The following PSD3 variants were observed in gnomAD, a reference collection of about 807,000 sequenced individuals.
The protein encoded by PSD3 is PH and SEC7 domain-containing protein 3.
Under a neutral mutation model 105.5 loss-of-function variants are expected in PSD3, and 49 were observed. The ratio of observed to expected loss-of-function variants is 0.46; its 90% confidence interval spans 0.37 to 0.59. The LOEUF is 0.59. Among genes scored for constraint, PSD3 ranks in the 20% least tolerant of loss-of-function variants. The pLI, the probability that PSD3 is intolerant of heterozygous loss-of-function variation, is 0.00. For missense variants in PSD3, 1,561 were observed against 1,263.8 expected (o/e 1.24, Z -3.57); for synonymous variants, 557 against 457.8 (o/e 1.22, Z -2.77).
At position 18,872,609 on chromosome 8, in the gene PSD3, T is replaced by A. The variant is rs373346418; in HGVS notation, c.255A>T (p.Pro85=). The A allele has an allele frequency of 1.2e-4, 200 of 1,613,970 alleles. No individual in the cohort carries two copies. Among genetic ancestry groups the A allele is most frequent in the Non-Finnish European group, 1.7e-4 (197 of 1,180,014 alleles). The change falls in exon 3 of 16, where the codon CCA becomes CCT. Residue 85 remains proline, a synonymous_variant. Transcript: ENST00000327040. ...ASLEFDGEAL[P]CHPQEQQGVQ... is the part of the protein sequence containing the mutation. ...CACCCTGCTGCTCTTGTGGGTGGCA[T>A]GGCAGAGCCTCACCATCAAATTCCA...
At chr8:19,013,522 G>C in intron 1 of PSD3, 41 bp downstream of exon 1, 1 of 1,577,724 alleles carries the variant, frequency 6.3e-7, no homozygotes, top group Middle Eastern at 1.7e-4. Flanking sequence ...CAGCGGCGCC[G>C]CGTGCGCACC....
At chr8:18,730,017 A>G (rs1296002581) in intron 9 of PSD3, 3 of 152,244 alleles carry the variant, frequency 2.0e-5, no homozygotes, top group Non-Finnish European at 2.9e-5. Flanking sequence ...AAGCAAAAAA[A>G]GCTTCCTCAT....
intron 1 of PSD3, among the ~76,000 whole-genome samples, chr8:18,998,075 G>C (rs1339895124): frequency 7.2e-5 from 11 of 151,836 alleles, no homozygotes. Context: ...CCTCATAGGA[G>C]ACACTCAAAC....
At chr8:18,930,509 G>T (rs1463253480) in intron 2 of PSD3, among the ~76,000 whole-genome samples, 1 of 151,786 alleles carries the variant, frequency 6.6e-6, no homozygotes, top group Admixed American at 6.6e-5. Context: ...TAAGTATCAA[G>T]AAATGGAATG....
intron 4 of PSD3, among the ~76,000 whole-genome samples, chr8:18,833,786 G>A (rs910114718): frequency 6.6e-6 from 1 of 151,930 alleles, no homozygotes; most frequent in Middle Eastern, 3.4e-3. Context: ...AAAAAGAAAT[G>A]AAAGAAAAAA....
chr8:18,594,204 TA>T (rs1803857607), intron 12 of PSD3, among the ~76,000 whole-genome samples: 1 of 17,278 alleles, frequency 5.8e-5, no homozygotes, highest in Admixed American at 1.2e-3. Flanking sequence ...ACATATTATA[TA>T]ATATATATTA....
intron 1 of PSD3, among the ~76,000 whole-genome samples, chr8:18,976,573 C>T (rs1432854468): frequency 2.0e-5 from 3 of 152,310 alleles, no homozygotes; most frequent in Middle Eastern, 3.4e-3. Context: ...CTACATGACA[C>T]AAGAACTATT....
intron 11 of PSD3, among the ~76,000 whole-genome samples, chr8:18,607,382 C>G (rs1234988517): frequency 6.6e-6 from 1 of 152,086 alleles, no homozygotes; most frequent in Non-Finnish European, 1.5e-5. Context: ...AAGATTTGAC[C>G]TGTATAAACA....
Position 18,666,102 on chromosome 8 carries a change from G to A in PSD3, c.2173-10417C>T, listed in dbSNP as rs75472910. Among the ~76,000 whole-genome samples, 882 of 152,264 alleles carry A rather than the reference G, an allele frequency of 5.8e-3. 25 individuals are homozygous for A. In the East Asian group the frequency reaches 0.069, roughly 12 times the overall value. Reference sequence around the variant, plus strand: ...TCTTGTGTGTCACCCAGGCTGGACTGCAGTGTGGCACGATCTCCACTTACT... The same window carrying A: ...TCTTGTGTGTCACCCAGGCTGGACTACAGTGTGGCACGATCTCCACTTACT... On this transcript the variant is annotated intron_variant, in intron 9 of 15. Coordinates refer to ENST00000327040, the MANE Select transcript of PSD3 (RefSeq NM_015310.4).
chr8:18,596,367 A>G (rs1347699939), intron 12 of PSD3, among the ~76,000 whole-genome samples: 1 of 152,056 alleles, frequency 6.6e-6, no homozygotes, highest in Non-Finnish European at 1.5e-5. Context: ...AGCACAGGAA[A>G]GAAACAATAA....
At chr8:18,957,930 TA>T (rs2129470919) in intron 1 of PSD3, among the ~76,000 whole-genome samples, 1 of 152,296 alleles carries the variant, frequency 6.6e-6, no homozygotes, top group African/African-American at 2.4e-5. Flanking sequence ...CATACACTGT[TA>T]GAGTGTAAGG....
intron 1 of PSD3, among the ~76,000 whole-genome samples, chr8:18,974,931 C>T (rs994218719): frequency 4.6e-5 from 7 of 152,100 alleles, no homozygotes; most frequent in African/African-American, 1.7e-4. Flanking sequence ...AAATCTTTTT[C>T]CTTGACCAGA....
chr8:18,755,937 G>C (rs1043389952), intron 9 of PSD3, among the ~76,000 whole-genome samples: 1 of 152,062 alleles, frequency 6.6e-6, no homozygotes, highest in East Asian at 1.9e-4. Flanking sequence ...AGACCTCCAC[G>C]GGGAGGGCAG....
chr8:18,985,290 A>G lies in PSD3; in HGVS notation c.21+28273T>C, dbSNP rs1032185864. On this transcript the variant is annotated intron_variant, in intron 1 of 15. Transcript: ENST00000327040. Reference sequence around the variant, plus strand: ...CTGTCTTTACCTGGTTCTGGAACTGAAACACTATACCTCCTGTAAAATTAT... The same window carrying G: ...CTGTCTTTACCTGGTTCTGGAACTGGAACACTATACCTCCTGTAAAATTAT... Among the ~76,000 whole-genome samples, 4 of 152,246 alleles carry G rather than the reference A, an allele frequency of 2.6e-5. No homozygotes were observed. In the East Asian group the frequency reaches 7.7e-4, roughly 29 times the overall value.
intron 9 of PSD3, among the ~76,000 whole-genome samples, chr8:18,755,429 C>CAAAAT (rs1554490326): frequency 0.029 from 3,904 of 136,866 alleles, 120 homozygotes; most frequent in East Asian, 0.056. Flanking sequence ...GACCCTGTCT[C>CAAAAT]AACATAACAT....
intron 3 of PSD3, among the ~76,000 whole-genome samples, chr8:18,869,705 G>A (rs1331547934): frequency 1.3e-5 from 2 of 152,142 alleles, no homozygotes; most frequent in Non-Finnish European, 2.9e-5. Flanking sequence ...CCACAGAAAA[G>A]CTTTGTCCAA....
chr8:18,968,870 AAAT>A (rs1824452448), intron 1 of PSD3, among the ~76,000 whole-genome samples: 2 of 131,110 alleles, frequency 1.5e-5, no homozygotes, highest in South Asian at 2.9e-4. Flanking sequence ...AGCAAAAAAA[AAAT>A]GTCTCCAAAA....
chr8:18,551,515 C>A (rs1024152516), intron 15 of PSD3, among the ~76,000 whole-genome samples: 1 of 152,010 alleles, frequency 6.6e-6, no homozygotes, highest in Non-Finnish European at 1.5e-5. Context: ...TCAAGAATGT[C>A]CTAGATTTTT....
At chr8:19,003,848 G>C (rs74973554) in intron 1 of PSD3, among the ~76,000 whole-genome samples, 3 of 151,770 alleles carry the variant, frequency 2.0e-5, no homozygotes, top group East Asian at 3.9e-4. Flanking sequence ...TCTCCCTGGC[G>C]AGGGATGTTT....
Sources: allele counts gnomAD v4.1 joint callset (sites outside exome capture counted in the v4.1 genomes callset), GRCh38; gene constraint gnomAD v4.1.1; transcripts MANE v1.5; gene names NCBI Gene and HGNC (gene_info 2026-07-23, HGNC 2026-07-21).